Variants in COL11A1 observed in about 807,000 individuals in gnomAD.
COL11A1 encodes collagen type XI alpha 1 chain, also known as collagen alpha-1(XI) chain.
COL11A1 carries 74 observed loss-of-function variants against 265.2 expected under a neutral mutation model. That is an observed-to-expected ratio of 0.28 (90% CI 0.23 to 0.34). The LOEUF (loss-of-function observed/expected upper bound fraction) is 0.34, where lower values mean the gene tolerates loss of function less well. Among genes scored for constraint, COL11A1 ranks in the 10% least tolerant of loss-of-function variants. The probability of loss-of-function intolerance (pLI) is 1.00; values close to 1 mark genes in which losing one functional copy is unlikely to be tolerated. For missense variants in COL11A1, 2,165 were observed against 2,263.6 expected (o/e 0.96, Z 0.88); for synonymous variants, 816 against 727.6 (o/e 1.12, Z -1.96).
rs1327858087 is a variant in COL11A1 at position 102,965,664 on chromosome 1, T to C, written c.2863-124A>G. The stretch of plus-strand genomic sequence containing the variant: ...ACCTATTGACTAAAAATATTTATTT[T>C]CAAATGCTTAAATATGTTTAATATG... On this transcript the variant is annotated intron_variant, in intron 37 of 66. Transcript: ENST00000370096. The C allele has an allele frequency of 6.7e-6, 5 of 746,114 alleles. No homozygotes were observed. The Admixed American group carries it at 1.2e-4, about 18-fold the overall frequency. The allele number at this position is 746,114 out of a possible 1,614,324, so 46.2% of individuals were successfully genotyped here. A position where few individuals can be genotyped will look rare whatever the true frequency, so the allele number is the denominator to read the frequency against.
intron 41 of COL11A1, among the ~76,000 whole-genome samples, chr1:102,957,028 A>T (rs1234886709): frequency 6.6e-6 from 1 of 151,998 alleles, no homozygotes; most frequent in Non-Finnish European, 1.5e-5. Context: ...CCCTGTATAA[A>T]GCAATATCCC....
intron 35 of COL11A1, among the ~76,000 whole-genome samples, chr1:102,977,287 A>G (rs1262861598): frequency 6.6e-6 from 1 of 152,202 alleles, no homozygotes; most frequent in Non-Finnish European, 1.5e-5. Flanking sequence ...CTCATCAACC[A>G]CAAGGAACAT....
chr1:102,878,572 G>A (rs1281259088), intron 66 of COL11A1, among the ~76,000 whole-genome samples: 1 of 143,228 alleles, frequency 7.0e-6, no homozygotes, highest in African/African-American at 2.6e-5. Context: ...CTGGAGAGCA[G>A]TGATCTCAGC....
intron 42 of COL11A1, among the ~76,000 whole-genome samples, chr1:102,946,506 G>A (rs968734469): frequency 6.6e-5 from 10 of 151,816 alleles, no homozygotes; most frequent in Non-Finnish European, 8.8e-5. Flanking sequence ...ATTACAAGAG[G>A]TGTAAAAAGT....
At chr1:103,045,746 C>A (rs1236043704) in intron 4 of COL11A1, among the ~76,000 whole-genome samples, 2 of 151,950 alleles carry the variant, frequency 1.3e-5, no homozygotes, top group African/African-American at 4.8e-5. Context: ...TTAGGTATAT[C>A]TCCTAATGCT....
At chr1:103,023,026 A>G (rs757376065) in intron 7 of COL11A1, 30 bp from the exon 8 acceptor site, 1 of 1,602,964 alleles carries the variant, frequency 6.2e-7, no homozygotes, top group South Asian at 1.1e-5. Flanking sequence ...GGAATTGAGG[A>G]ACATGAAGTT....
chr1:103,006,137 G>A lies in COL11A1; in HGVS notation c.1738-16C>T. ...CTGGACGACCCTAATAATGCCAACA[G>A]CATGATTAAGCGAAGTGACTTTTAT... On this transcript the variant is annotated splice_polypyrimidine_tract_variant and intron_variant, in intron 16 of 66. Transcript: ENST00000370096. 4 of 1,605,656 alleles carry A rather than the reference G, an allele frequency of 2.5e-6. No homozygotes were observed.
intron 4 of COL11A1, among the ~76,000 whole-genome samples, chr1:103,042,405 T>C (rs1571128580): frequency 6.6e-6 from 1 of 152,070 alleles, no homozygotes; most frequent in African/African-American, 2.4e-5. Flanking sequence ...AAGTGGTCAG[T>C]TTTTCTTTTA....
At chr1:102,988,071 AATGTTT>A in intron 29 of COL11A1, among the ~76,000 whole-genome samples, 1 of 152,254 alleles carries the variant, frequency 6.6e-6, no homozygotes, top group African/African-American at 2.4e-5. Flanking sequence ...CGAAAGTTAC[AATGTTT>A]ATAACTTCCC....
In COL11A1 at chr1:103,025,330, G is replaced by A. The variant is rs190936891; in HGVS notation, c.990+191C>T. Among the ~76,000 whole-genome samples the A allele has an allele frequency of 4.6e-3, 697 of 152,274 alleles. 11 individuals are homozygous for A. The highest frequency in any genetic ancestry group is 0.016 in the African/African-American group (676 of 41,564). ...TGAAGCAAAGAGTCACGCAAAACCT[G>A]AATTGGCATTGATTTCAGATGAACT... On this transcript the variant is annotated intron_variant, in intron 7 of 66. Transcript: ENST00000370096.
At chr1:102,930,289 T>C (rs1328938705) in intron 46 of COL11A1, among the ~76,000 whole-genome samples, 1 of 151,558 alleles carries the variant, frequency 6.6e-6, no homozygotes, top group Non-Finnish European at 1.5e-5. Flanking sequence ...TTATTGAGAG[T>C]TTTTAGCATG....
At chr1:102,892,409 C>G (rs779626535) in intron 57 of COL11A1, among the ~76,000 whole-genome samples, 1 of 151,984 alleles carries the variant, frequency 6.6e-6, no homozygotes, top group Admixed American at 6.6e-5. Flanking sequence ...GAATTTAAAG[C>G]CTTAAGAACT....
At chr1:102,952,816 A>C (rs1570844604) in intron 41 of COL11A1, among the ~76,000 whole-genome samples, 1 of 152,342 alleles carries the variant, frequency 6.6e-6, no homozygotes, top group East Asian at 1.9e-4. Flanking sequence ...TCTTATTTAA[A>C]TATTCTCATG....
At chr1:103,049,356 G>T (rs991772560) in intron 4 of COL11A1, among the ~76,000 whole-genome samples, 1 of 152,034 alleles carries the variant, frequency 6.6e-6, no homozygotes, top group Non-Finnish European at 1.5e-5. Flanking sequence ...TTATGTAATG[G>T]CCTTCTTTGT....
rs75007776 is a variant in COL11A1 at position 102,997,018 on chromosome 1, T to C, written c.2241+62A>G. ...GATTTATATATATGAGATGACCAAA[T>C]TAAGGCATTTTCTCTTGGAAATTTA... On this transcript the variant is annotated intron_variant, in intron 26 of 66. Coordinates refer to ENST00000370096, the MANE Select transcript of COL11A1 (RefSeq NM_001854.4). 397 of 1,397,552 alleles carry C rather than the reference T, an allele frequency of 2.8e-4. No individual in the cohort carries two copies. In the East Asian group the frequency reaches 8.8e-3, roughly 31 times the overall value. 86.6% of individuals were successfully genotyped at this position (1,397,552 alleles called of 1,614,324 possible).
chr1:102,902,976 A>C (rs1653423500), intron 54 of COL11A1, among the ~76,000 whole-genome samples: 1 of 151,888 alleles, frequency 6.6e-6, no homozygotes, highest in South Asian at 2.1e-4. Context: ...TTACCATTTT[A>C]ATTTTTTATT....
At chr1:103,035,055 G>C (rs1444766468) in intron 4 of COL11A1, among the ~76,000 whole-genome samples, 1 of 152,058 alleles carries the variant, frequency 6.6e-6, no homozygotes, top group Admixed American at 6.6e-5. Context: ...GAGACTTTCT[G>C]TGTGCCTTGG....
intron 6 of COL11A1, 21 bp from the exon 7 acceptor site, chr1:103,025,634 G>T: frequency 6.2e-6 from 10 of 1,603,922 alleles, no homozygotes; most frequent in Non-Finnish European, 8.5e-6. Flanking sequence ...ATTCAGAAGA[G>T]AATTAGTAAA....
At chr1:103,024,856 C>T (rs558374776) in intron 7 of COL11A1, among the ~76,000 whole-genome samples, 5 of 151,784 alleles carry the variant, frequency 3.3e-5, no homozygotes, top group Non-Finnish European at 7.4e-5. Context: ...AAAATGTATA[C>T]CAGATATTTA....
Sources: gnomAD v4.1 joint callset for allele counts (sites outside exome capture counted in the v4.1 genomes callset) on GRCh38, gnomAD v4.1.1 for gene constraint, MANE v1.5 for transcripts, NCBI Gene and HGNC (gene_info 2026-07-23, HGNC 2026-07-21) for gene names.